Variants in LRRIQ1 observed in about 807,000 individuals in gnomAD.
LRRIQ1 encodes the protein leucine-rich repeat- and IQ domain-containing protein 1.
A neutral mutation model predicts 211.9 loss-of-function variants in LRRIQ1; 210 were observed. That is an observed-to-expected ratio of 0.99 (90% CI 0.89 to 1.11). The LOEUF (loss-of-function observed/expected upper bound fraction) is 1.11, where lower values mean the gene tolerates loss of function less well. LRRIQ1 is among the 50% of genes most tolerant of loss of function. The pLI is 0.00. For synonymous variants in LRRIQ1, 699 were observed against 650.1 expected (o/e 1.08, Z -1.14); for missense variants, 2,136 against 1,939.5 (o/e 1.10, Z -1.90).
At chr12:85,152,476 T>G (rs1890306983) in intron 20 of LRRIQ1, 107 bp downstream of exon 20, 8 of 779,160 alleles carry the variant, frequency 1.0e-5, no homozygotes, top group Non-Finnish European at 1.5e-5. Flanking sequence ...AAAACATAAT[T>G]ACTTTTAGAA....
chr12:85,081,117 AGTAAG>A (rs1265666654), intron 11 of LRRIQ1, among the ~76,000 whole-genome samples: 1 of 152,078 alleles, frequency 6.6e-6, no homozygotes, highest in Non-Finnish European at 1.5e-5. Context: ...CCCAACCAAA[AGTAAG>A]GTAGGGGTTT....
downstream of LRRIQ1, among the ~76,000 whole-genome samples, chr12:85,267,150 C>T (rs763746529): frequency 6.6e-6 from 1 of 152,112 alleles, no homozygotes; most frequent in African/African-American, 2.4e-5. Flanking sequence ...AACTTTCAAA[C>T]TATTTTTATG....
intron 10 of LRRIQ1, among the ~76,000 whole-genome samples, chr12:85,067,422 C>T (rs554494042): frequency 2.3e-4 from 35 of 152,034 alleles, no homozygotes; most frequent in South Asian, 1.0e-3. Flanking sequence ...ATATTGACTT[C>T]CTTCCTTATA....
At position 85,038,134 on chromosome 12, in the gene LRRIQ1, T is replaced by C; in HGVS notation, c.-24-19T>C. The C allele has an allele frequency of 7.1e-7, 1 of 1,401,500 alleles. No individual in the cohort carries two copies. Among genetic ancestry groups the C allele is most frequent in the Non-Finnish European group, 9.4e-7 (1 of 1,067,264 alleles). 86.8% of individuals were successfully genotyped at this position (1,401,500 alleles called of 1,614,324 possible). On this transcript the variant is annotated intron_variant, in intron 1 of 26. Coordinates refer to ENST00000393217, the MANE Select transcript of LRRIQ1 (RefSeq NM_001079910.2). ...CATAATTTTTAGTGACATATTAGCC[T>C]CTTCATTTTTTAAAGCAGTTCTGTG...
chr12:85,240,909 G>GTAT (rs1287812853), intron 26 of LRRIQ1, among the ~76,000 whole-genome samples: 1 of 152,010 alleles, frequency 6.6e-6, no homozygotes, highest in Non-Finnish European at 1.5e-5. Context: ...TGGGAAGACG[G>GTAT]AATAGATTTG....
At chr12:85,138,521 G>A (rs1889297190) in intron 19 of LRRIQ1, among the ~76,000 whole-genome samples, 1 of 151,420 alleles carries the variant, frequency 6.6e-6, no homozygotes, top group South Asian at 2.1e-4. Context: ...ATACAACAGA[G>A]GTGATATTGT....
intron 7 of LRRIQ1, among the ~76,000 whole-genome samples, chr12:85,053,186 G>A (rs1436986600): frequency 6.6e-6 from 1 of 152,056 alleles, no homozygotes. Context: ...CAAGAAATAT[G>A]TGACACATGG....
At chr12:85,084,953 T>G (rs1884667564) in intron 11 of LRRIQ1, among the ~76,000 whole-genome samples, 1 of 151,918 alleles carries the variant, frequency 6.6e-6, no homozygotes, top group Non-Finnish European at 1.5e-5. Flanking sequence ...GTACAATGAT[T>G]TATAAAGTAA....
At chr12:85,264,384 A>C (rs781291619) in exon 2 of LRRIQ1, 1 of 152,014 alleles carries the variant, frequency 6.6e-6, no homozygotes, top group East Asian at 1.9e-4. Flanking sequence ...AACTTTGAGG[A>C]TGATGAATGG....
intron 15 of LRRIQ1, among the ~76,000 whole-genome samples, chr12:85,107,172 T>C (rs990219894): frequency 1.3e-5 from 2 of 152,152 alleles, no homozygotes; most frequent in East Asian, 1.9e-4. Context: ...ACACTTCTAA[T>C]AATATACTAA....
At chr12:85,051,459 A>T (rs1410079984) in intron 6 of LRRIQ1, among the ~76,000 whole-genome samples, 1 of 152,210 alleles carries the variant, frequency 6.6e-6, no homozygotes, top group Non-Finnish European at 1.5e-5. Context: ...GATGATTTTC[A>T]TAAAAACAGT....
intron 24 of LRRIQ1, among the ~76,000 whole-genome samples, chr12:85,225,101 T>G (rs573653145): frequency 6.6e-6 from 1 of 152,254 alleles, no homozygotes; most frequent in East Asian, 1.9e-4. Flanking sequence ...AAAAAAATTT[T>G]TTTTAAATGC....
At chr12:85,263,058 T>G in exon 2 of LRRIQ1, 1 of 988,026 alleles carries the variant, frequency 1.0e-6, no homozygotes, top group Non-Finnish European at 1.2e-6. Flanking sequence ...CATTTCCAAC[T>G]AATCCTTAAG....
chr12:85,184,187 G>A (rs1349171337), intron 24 of LRRIQ1, among the ~76,000 whole-genome samples: 3 of 151,948 alleles, frequency 2.0e-5, no homozygotes, highest in South Asian at 4.1e-4. Flanking sequence ...TTTTAAAGTG[G>A]AGTATCTTAA....
chr12:85,171,541 A>G (rs1367611757), intron 24 of LRRIQ1, among the ~76,000 whole-genome samples: 1 of 152,248 alleles, frequency 6.6e-6, no homozygotes, highest in Non-Finnish European at 1.5e-5. Context: ...TCAAAGAAGC[A>G]TCAGTAATAA....
chr12:85,126,341 A>G (rs1888370773), intron 17 of LRRIQ1, among the ~76,000 whole-genome samples: 1 of 151,916 alleles, frequency 6.6e-6, no homozygotes, highest in Admixed American at 6.5e-5. Context: ...AAGAAATATA[A>G]GATACTGTCT....
At chr12:85,178,912 T>A (rs1156940439) in intron 24 of LRRIQ1, among the ~76,000 whole-genome samples, 20 of 143,142 alleles carry the variant, frequency 1.4e-4, no homozygotes, top group African/African-American at 3.8e-4. Flanking sequence ...TCTCTGTCTT[T>A]AAAAAAAAAA....
At chr12:85,214,887 C>T (rs1376698176) in intron 24 of LRRIQ1, among the ~76,000 whole-genome samples, 2 of 152,010 alleles carry the variant, frequency 1.3e-5, no homozygotes, top group African/African-American at 4.8e-5. Context: ...CGAAAGATGT[C>T]ATAATAGTAG....
chr12:85,075,609 A>AT (rs1883557744), intron 11 of LRRIQ1, among the ~76,000 whole-genome samples: 1 of 152,078 alleles, frequency 6.6e-6, no homozygotes, highest in East Asian at 1.9e-4. Flanking sequence ...GCCCTGATGG[A>AT]TCCCCCCTAC....
Sources: gnomAD v4.1 joint callset for allele counts (sites outside exome capture counted in the v4.1 genomes callset) on GRCh38, gnomAD v4.1.1 for gene constraint, MANE v1.5 for transcripts, NCBI Gene and HGNC (gene_info 2026-07-23, HGNC 2026-07-21) for gene names.